The following SYNPR variants were observed in gnomAD, a reference collection of about 807,000 sequenced individuals.
SYNPR encodes the protein synaptoporin.
Under a neutral mutation model 32.9 loss-of-function variants are expected in SYNPR, and 23 were observed. That is an observed-to-expected ratio of 0.70 (90% CI 0.50 to 0.99). The LOEUF (loss-of-function observed/expected upper bound fraction) is 0.99, where lower values mean the gene tolerates loss of function less well. Among genes scored for constraint, SYNPR ranks in the 50% least tolerant of loss-of-function variants. The pLI, the probability that SYNPR is intolerant of heterozygous loss-of-function variation, is 0.00. For missense variants in SYNPR, 318 were observed against 349.3 expected (o/e 0.91, Z 0.71); for synonymous variants, 146 against 135.9 (o/e 1.07, Z -0.52).
At chr3:63,246,615 A>G (rs1194080210) in intron 1 of SYNPR, among the ~76,000 whole-genome samples, 1 of 152,072 alleles carries the variant, frequency 6.6e-6, no homozygotes, top group East Asian at 1.9e-4. Context: ...ATAAAGTGAC[A>G]TTTGAGCACA....
chr3:63,488,601 G>T (rs951912993), intron 3 of SYNPR, among the ~76,000 whole-genome samples: 1 of 152,158 alleles, frequency 6.6e-6, no homozygotes, highest in Non-Finnish European at 1.5e-5. Context: ...CTTATAGTGT[G>T]GTTGCAACCA....
chr3:63,522,024 T>C (rs1701925732), intron 3 of SYNPR, among the ~76,000 whole-genome samples: 1 of 152,208 alleles, frequency 6.6e-6, no homozygotes, highest in Non-Finnish European at 1.5e-5. Context: ...CAAGTAGATC[T>C]GGAGGGACAA....
At chr3:63,246,524 A>C (rs2086291870) in intron 1 of SYNPR, among the ~76,000 whole-genome samples, 2 of 151,316 alleles carry the variant, frequency 1.3e-5, no homozygotes, top group African/African-American at 4.9e-5. Context: ...AATATGAGAC[A>C]GAGTGAAGGA....
intron 4 of SYNPR, among the ~76,000 whole-genome samples, chr3:63,595,720 TATATATATATATATATATATATATATA>T (rs1559546101): frequency 0.12 from 1,151 of 9,738 alleles, 121 homozygotes; most frequent in Middle Eastern, 0.17. Flanking sequence ...TCTTATTTTA[TATATATATATATATATATATATATATA>T]TATATATATA....
At chr3:63,570,834 T>C (rs142302924) in intron 4 of SYNPR, among the ~76,000 whole-genome samples, 168 of 152,334 alleles carry the variant, frequency 1.1e-3, no homozygotes, top group African/African-American at 4.0e-3. Flanking sequence ...ACACAGCTAT[T>C]GTCCCCTAAA....
At chr3:63,235,476 G>A (rs1394853008) in intron 1 of SYNPR, among the ~76,000 whole-genome samples, 2 of 152,120 alleles carry the variant, frequency 1.3e-5, no homozygotes, top group African/African-American at 4.8e-5. Context: ...CTGGGCTTAC[G>A]AATCTGCTGG....
At chr3:63,279,966 A>T (rs111665887) in intron 2 of SYNPR, among the ~76,000 whole-genome samples, 218 of 152,222 alleles carry the variant, frequency 1.4e-3, no homozygotes, top group Non-Finnish European at 2.7e-3. Context: ...CAAGCAAGCA[A>T]TCCTCACAGT....
At chr3:63,272,843 C>G (rs994700300) in intron 3 of SYNPR, among the ~76,000 whole-genome samples, 1 of 152,110 alleles carries the variant, frequency 6.6e-6, no homozygotes, top group Admixed American at 6.6e-5. Context: ...CCTTGGCATA[C>G]TCATTGTCTC....
At chr3:63,339,802 C>T (rs1014515642) in intron 2 of SYNPR, among the ~76,000 whole-genome samples, 1 of 142,946 alleles carries the variant, frequency 7.0e-6, no homozygotes, top group African/African-American at 2.5e-5. Context: ...GGATTACAGG[C>T]ATGCCCACCA....
At chr3:63,282,944 G>C (rs1018873955) in intron 2 of SYNPR, among the ~76,000 whole-genome samples, 1 of 152,146 alleles carries the variant, frequency 6.6e-6, no homozygotes, top group Non-Finnish European at 1.5e-5. Flanking sequence ...GTGAGTGTGC[G>C]TGTGTGCAAT....
upstream of SYNPR, among the ~76,000 whole-genome samples, chr3:63,277,781 C>T (rs2086590547): frequency 6.6e-6 from 1 of 152,072 alleles, no homozygotes; most frequent in Admixed American, 6.5e-5. Flanking sequence ...CGCCACTGTC[C>T]AGACCACATT....
chr3:63,289,682 G>T (rs890372653), intron 2 of SYNPR, among the ~76,000 whole-genome samples: 1 of 152,066 alleles, frequency 6.6e-6, no homozygotes, highest in African/African-American at 2.4e-5. Flanking sequence ...ATTTCAACTT[G>T]AGATTTGGAG....
intron 3 of SYNPR, among the ~76,000 whole-genome samples, chr3:63,537,149 TA>T (rs201770364): frequency 5.9e-5 from 9 of 151,542 alleles, no homozygotes; most frequent in South Asian, 2.1e-4. Flanking sequence ...AGCTATTACT[TA>T]AAAAAAAATT....
At chr3:63,374,987 G>C (rs1459142954) in intron 2 of SYNPR, among the ~76,000 whole-genome samples, 1 of 152,058 alleles carries the variant, frequency 6.6e-6, no homozygotes, top group East Asian at 1.9e-4. Context: ...GTTATCACTG[G>C]TCATCAGAGA....
intron 2 of SYNPR, among the ~76,000 whole-genome samples, chr3:63,449,584 G>C (rs1249572545): frequency 6.6e-6 from 1 of 152,140 alleles, no homozygotes; most frequent in African/African-American, 2.4e-5. Context: ...GCTGAGAACA[G>C]TACAGGAAAC....
chr3:63,475,421 TAAGAA>T (rs1700881150), intron 2 of SYNPR, among the ~76,000 whole-genome samples: 1 of 152,098 alleles, frequency 6.6e-6, no homozygotes, highest in Admixed American at 6.6e-5. Flanking sequence ...ATCAGGAGCT[TAAGAA>T]AAGATGGGAA....
intron 3 of SYNPR, among the ~76,000 whole-genome samples, chr3:63,269,972 A>G (rs2086520704): frequency 6.6e-6 from 1 of 152,228 alleles, no homozygotes; most frequent in Admixed American, 6.5e-5. Flanking sequence ...GGCTTCTAAG[A>G]TTAGAAACAG....
intron 2 of SYNPR, among the ~76,000 whole-genome samples, chr3:63,352,350 T>A (rs2087521216): frequency 6.6e-6 from 1 of 152,170 alleles, no homozygotes. Context: ...AACCGGCAGA[T>A]TCGGCTGGAA....
At position 63,615,448 on chromosome 3, in the gene SYNPR, T is replaced by A. The variant is rs1298947576; in HGVS notation, c.825T>A (p.Pro275=). 1 of 1,613,876 alleles carries A rather than the reference T, an allele frequency of 6.2e-7. No homozygotes were observed. The highest frequency in any genetic ancestry group is 1.3e-5 in the African/African-American group (1 of 74,940). The change falls in exon 6 of 6, where the codon CCT becomes CCA. Residue 275 remains proline, a synonymous_variant. Transcript: ENST00000478300. The part of the protein sequence containing the change: ...GPTSDEFGQQ[P]TGPTSFTNQI ...CCTCAGATGAGTTTGGCCAACAGCC[T>A]ACTGGCCCCACTTCCTTTACCAATC...
Sources: allele counts gnomAD v4.1 joint callset (sites outside exome capture counted in the v4.1 genomes callset), GRCh38; gene constraint gnomAD v4.1.1; transcripts MANE v1.5; gene names NCBI Gene and HGNC (gene_info 2026-07-23, HGNC 2026-07-21).